Variants in WDSUB1 observed in about 807,000 individuals in gnomAD.
WDSUB1 encodes WD repeat, SAM and U-box domain-containing protein 1.
Under a neutral mutation model 53.9 loss-of-function variants are expected in WDSUB1, and 49 were observed. The observed-to-expected ratio is 0.91, with a 90% CI of 0.72 to 1.15. The LOEUF (loss-of-function observed/expected upper bound fraction) is 1.15, where lower values mean the gene tolerates loss of function less well. Among genes scored for constraint, WDSUB1 ranks in the 50% most tolerant of loss-of-function variants. WDSUB1 has a pLI of 0.00. For missense variants in WDSUB1, 514 were observed against 562.0 expected, an observed-to-expected ratio of 0.91 and a Z score of 0.86; for synonymous variants, 194 against 200.6, an observed-to-expected ratio of 0.97 and a Z score of 0.28.
chr2:159,246,406 T>C (rs1575435225), intron 10 of WDSUB1, among the ~76,000 whole-genome samples: 1 of 129,960 alleles, frequency 7.7e-6, no homozygotes, highest in Non-Finnish European at 1.6e-5. Flanking sequence ...CACTCCAGCC[T>C]GGGCAACAGA....
chr2:159,272,329 G>A (rs1197300836), intron 4 of WDSUB1, among the ~76,000 whole-genome samples: 1 of 152,212 alleles, frequency 6.6e-6, no homozygotes, highest in Non-Finnish European at 1.5e-5. Flanking sequence ...GCAAGGCTGG[G>A]CTCATTTATC....
intron 9 of WDSUB1, among the ~76,000 whole-genome samples, chr2:159,250,105 A>AAAAAAAAAAC (rs2060917603): frequency 6.8e-6 from 1 of 147,378 alleles, no homozygotes; most frequent in Non-Finnish European, 1.5e-5. Flanking sequence ...AAAAAAAAAA[A>AAAAAAAAAAC]AAGAAGGGAA....
chr2:159,253,515 A>G (rs1373020502), intron 9 of WDSUB1, among the ~76,000 whole-genome samples: 1 of 152,224 alleles, frequency 6.6e-6, no homozygotes, highest in African/African-American at 2.4e-5. Flanking sequence ...TTCCTTAAAA[A>G]TAATTTAAAT....
chr2:159,237,790 G>C (rs1248342426), intron 10 of WDSUB1, among the ~76,000 whole-genome samples: 2 of 152,218 alleles, frequency 1.3e-5, no homozygotes, highest in African/African-American at 4.8e-5. Flanking sequence ...TCCAATCTTT[G>C]CCTTTTACAA....
chr2:159,253,942 A>C (rs2061005294), intron 9 of WDSUB1, among the ~76,000 whole-genome samples: 1 of 152,246 alleles, frequency 6.6e-6, no homozygotes, highest in African/African-American at 2.4e-5. Context: ...GACATAAAAA[A>C]TAAATGTTAC....
In WDSUB1 at chr2:159,238,081, C is replaced by T. The variant is rs867816947; in HGVS notation, c.1274-1891G>A. Among the ~76,000 whole-genome samples, 8 of 152,212 alleles carry T rather than the reference C, an allele frequency of 5.3e-5. No individual in the cohort carries two copies. In the South Asian group the frequency reaches 1.0e-3, roughly 20 times the overall value. Reference sequence around the variant, plus strand: ...GGATTTTTGCCAGTCTCTAGGTAAGCGATGGTACAGTATATCAGCTGGAGA... The same window carrying T: ...GGATTTTTGCCAGTCTCTAGGTAAGTGATGGTACAGTATATCAGCTGGAGA... On this transcript the variant is annotated intron_variant, in intron 10 of 10. Transcript: ENST00000359774.
At chr2:159,275,044 G>A (rs1209302437) in intron 4 of WDSUB1, among the ~76,000 whole-genome samples, 1 of 152,144 alleles carries the variant, frequency 6.6e-6, no homozygotes, top group Non-Finnish European at 1.5e-5. Flanking sequence ...TAAAAAAAGA[G>A]AATCAATTCA....
Position 159,271,694 on chromosome 2 carries a change from T to G in WDSUB1, c.770+8A>C. On this transcript the variant is annotated splice_region_variant and intron_variant, in intron 5 of 10. Coordinates refer to ENST00000359774, the MANE Select transcript of WDSUB1 (RefSeq NM_001128212.3). ...AATGGTTTAGGAAAATTAAACCAAC[T>G]AGCTTACCCTGAGACTAGCATCTGC... 6.2e-7 allele frequency: 1 copy of G among 1,612,222 alleles called. No homozygotes were observed. The highest frequency in any genetic ancestry group is 8.5e-7 in the Non-Finnish European group (1 of 1,178,910).
intron 3 of WDSUB1, among the ~76,000 whole-genome samples, chr2:159,276,959 C>A (rs1456615975): frequency 2.0e-5 from 3 of 152,132 alleles, no homozygotes; most frequent in Admixed American, 2.0e-4. Context: ...GAGCTATGAT[C>A]ACACCACTGC....
Position 159,284,492 on chromosome 2 carries a change from A to T in WDSUB1, c.-24-1399T>A, listed in dbSNP as rs566955098. Among the ~76,000 whole-genome samples, 3 of 151,338 alleles carry T rather than the reference A, an allele frequency of 2.0e-5. No homozygotes were observed. In the South Asian group the frequency reaches 6.3e-4, roughly 32 times the overall value. ...AAATCAAACTGTAGGATTTGCTCTT[A>T]AAAAAAAACAACAAAAGTCTCATTG... On this transcript the variant is annotated intron_variant, in intron 1 of 10. Coordinates refer to ENST00000359774, the MANE Select transcript of WDSUB1 (RefSeq NM_001128212.3).
chr2:159,263,466 G>A (rs7565164), intron 5 of WDSUB1, among the ~76,000 whole-genome samples: 4,340 of 152,240 alleles, frequency 0.029, 195 homozygotes, highest in African/African-American at 0.094. Context: ...TCAAAAACAC[G>A]TGTCATAGGT....
Position 159,256,360 on chromosome 2 carries a change from T to A in WDSUB1, c.968A>T (p.His323Leu). The change falls in exon 9 of 11, where the codon CAT becomes CTT. Residue 323 changes from histidine (H) to leucine (L), a missense_variant. Transcript: ENST00000359774. ...ATCTTCGGTAAATTGCTTCAGCTGA[T>A]GTTCTGTGCGCCTTGCTTAAAATAA... ...ETLCQARRTE[H>L]QLKQFTEDWS... 6.2e-7 allele frequency: 1 copy of A among 1,611,574 alleles called. No homozygotes were observed. The highest frequency in any genetic ancestry group is 8.5e-7 in the Non-Finnish European group (1 of 1,179,334).
At chr2:159,253,758 C>T (rs2061001737) in intron 9 of WDSUB1, among the ~76,000 whole-genome samples, 1 of 152,172 alleles carries the variant, frequency 6.6e-6, no homozygotes, top group African/African-American at 2.4e-5. Context: ...ATATTTGTTT[C>T]TAGACCAAAT....
intron 5 of WDSUB1, among the ~76,000 whole-genome samples, chr2:159,267,946 C>A (rs2061376867): frequency 6.6e-6 from 1 of 152,086 alleles, no homozygotes; most frequent in Non-Finnish European, 1.5e-5. Flanking sequence ...TTGAATGTGA[C>A]CTTGAGCAAC....
At chr2:159,246,958 G>A (rs1034748326) in intron 10 of WDSUB1, among the ~76,000 whole-genome samples, 1 of 152,094 alleles carries the variant, frequency 6.6e-6, no homozygotes, top group Admixed American at 6.5e-5. Flanking sequence ...CTATGGTCAC[G>A]TGTGGTTTTT....
At chr2:159,248,027 A>G (rs187381467) in intron 10 of WDSUB1, among the ~76,000 whole-genome samples, 1 of 148,616 alleles carries the variant, frequency 6.7e-6, no homozygotes, top group East Asian at 2.0e-4. Flanking sequence ...ATACAACTTT[A>G]TAATTAAATT....
intron 2 of WDSUB1, among the ~76,000 whole-genome samples, chr2:159,280,708 A>AAAAAAAAAAAAAAAAAACAAAAC (rs111752652): frequency 3.0e-5 from 4 of 134,376 alleles, no homozygotes; most frequent in African/African-American, 1.3e-4. Flanking sequence ...AAAAAAAAAA[A>AAAAAAAAAAAAAAAAAACAAAAC]ATTACCCAGA....
intron 2 of WDSUB1, among the ~76,000 whole-genome samples, chr2:159,281,164 G>A (rs1299207795): frequency 6.6e-6 from 1 of 152,162 alleles, no homozygotes; most frequent in African/African-American, 2.4e-5. Flanking sequence ...GGTACACTAG[G>A]CTCTTTTAAT....
chr2:159,257,712 A>G (rs747645391), intron 8 of WDSUB1, 46 bp downstream of exon 8: 103 of 1,535,430 alleles, frequency 6.7e-5, no homozygotes, highest in Non-Finnish European at 7.2e-5. Flanking sequence ...TCTGACCCTA[A>G]TGGTGAGTGG....
Sources: gnomAD v4.1 joint callset for allele counts (sites outside exome capture counted in the v4.1 genomes callset) on GRCh38, gnomAD v4.1.1 for gene constraint, MANE v1.5 for transcripts, NCBI Gene and HGNC (gene_info 2026-07-23, HGNC 2026-07-21) for gene names.